REEP1: variants seen among roughly 807,000 people sequenced by gnomAD.
REEP1 encodes receptor expression-enhancing protein 1.
A neutral mutation model predicts 40.3 loss-of-function variants in REEP1; 22 were observed. That is an observed-to-expected ratio of 0.55 (90% CI 0.39 to 0.78). The LOEUF (loss-of-function observed/expected upper bound fraction) is 0.78, where lower values mean the gene tolerates loss of function less well. Ranked by LOEUF, REEP1 falls within the 30% of genes least tolerant of loss-of-function variation. The probability of loss-of-function intolerance (pLI) is 0.00; values close to 1 mark genes in which losing one functional copy is unlikely to be tolerated. For synonymous variants in REEP1, 116 were observed against 139.2 expected (o/e 0.83, Z 1.17); for missense variants, 280 against 361.1 (o/e 0.78, Z 1.82).
intron 1 of REEP1, among the ~76,000 whole-genome samples, chr2:86,320,787 T>A (rs927623943): frequency 1.5e-4 from 23 of 152,224 alleles, no homozygotes; most frequent in African/African-American, 5.5e-4. Flanking sequence ...TTATTCATAA[T>A]GCAGCAGTGA....
At chr2:86,318,139 A>C (rs530276883) in intron 1 of REEP1, among the ~76,000 whole-genome samples, 37 of 152,300 alleles carry the variant, frequency 2.4e-4, no homozygotes, top group African/African-American at 8.9e-4. Flanking sequence ...TTTGGATATT[A>C]TACAATAAAA....
At chr2:86,254,990 G>A in intron 3 of REEP1, 176 bp from the exon 4 acceptor site, 1 of 625,972 alleles carries the variant, frequency 1.6e-6, no homozygotes. Flanking sequence ...CACACACACA[G>A]TACAACCCCA....
chr2:86,221,285 A>G (rs749579), intron 7 of REEP1, among the ~76,000 whole-genome samples: 119,617 of 152,242 alleles, frequency 0.79, 48,615 homozygotes, highest in South Asian at 0.89. Context: ...GCCAGCAGGA[A>G]GCAGCACAAC....
intron 1 of REEP1, among the ~76,000 whole-genome samples, chr2:86,324,672 A>G (rs1307556479): frequency 6.6e-6 from 1 of 152,180 alleles, no homozygotes; most frequent in African/African-American, 2.4e-5. Flanking sequence ...AAAGTGATCA[A>G]TGACACAGGA....
intron 1 of REEP1, among the ~76,000 whole-genome samples, chr2:86,333,680 C>T (rs531912428): frequency 4.3e-4 from 65 of 152,254 alleles, no homozygotes; most frequent in African/African-American, 1.4e-3. Context: ...CACAGAGCAA[C>T]GTTGGTATCC....
At position 86,216,848 on chromosome 2, in the gene REEP1, T is replaced by A; in HGVS notation, c.*191A>T. 1.3e-5 allele frequency: 7 copies of A among 533,058 alleles called. No individual in the cohort carries two copies. Among genetic ancestry groups the A allele is most frequent in the Middle Eastern group, 5.1e-4 (1 of 1,946 alleles). 33.0% of individuals were successfully genotyped at this position (533,058 alleles called of 1,614,324 possible). A position where few individuals can be genotyped will look rare whatever the true frequency, so the allele number is the denominator to read the frequency against. ...CCCTACTACCTTTCCCTTTAGCCTC[T>A]CCCCAGCAAAATAAAGAAAAGGGGG... On this transcript the variant is annotated 3_prime_UTR_variant, in exon 9 of 9. Transcript: ENST00000538924.
intron 1 of REEP1, 28 bp from the exon 2 acceptor site, chr2:86,282,270 A>G: frequency 6.8e-7 from 1 of 1,472,844 alleles, no homozygotes; most frequent in Non-Finnish European, 9.5e-7. Context: ...AAAAATAAAT[A>G]CGATTTTTCA....
chr2:86,273,403 C>A (rs1046646603), intron 2 of REEP1, among the ~76,000 whole-genome samples: 1 of 151,792 alleles, frequency 6.6e-6, no homozygotes, highest in Non-Finnish European at 1.5e-5. Flanking sequence ...TCCCACTCAG[C>A]GTCTTGAGTA....
At chr2:86,255,114 C>T (rs560669396) in intron 3 of REEP1, 8 of 331,218 alleles carry the variant, frequency 2.4e-5, no homozygotes, top group African/African-American at 1.7e-4. Context: ...GCTGGAGCTT[C>T]CTGCTGGGCT....
At position 86,214,665 on chromosome 2, in the gene REEP1, A is replaced by G. The variant is rs1321580778; in HGVS notation, c.*2374T>C. 6.5e-6 allele frequency: 1 copy of G among 152,680 alleles called. No homozygotes were observed. Among genetic ancestry groups the G allele is most frequent in the Non-Finnish European group, 1.5e-5 (1 of 68,052 alleles). The allele number at this position is 152,680 out of a possible 1,614,324, so 9.5% of individuals were successfully genotyped here. A position where few individuals can be genotyped will look rare whatever the true frequency, so the allele number is the denominator to read the frequency against. On this transcript the variant is annotated 3_prime_UTR_variant, in exon 9 of 9. Coordinates refer to ENST00000538924, the MANE Select transcript of REEP1 (RefSeq NM_001371279.1). ...TGTACAACTTGTCAGATACGTAAAC[A>G]CATTTTGCCAGAAATATGACAGCTG... is the stretch of plus-strand genomic sequence containing the variant.
chr2:86,229,746 G>A (rs748931505), intron 6 of REEP1, among the ~76,000 whole-genome samples: 3 of 151,742 alleles, frequency 2.0e-5, no homozygotes, highest in Admixed American at 6.6e-5. Context: ...ATGAGTAGCT[G>A]GGATTACAGG....
rs542777273 is a variant in REEP1, at chr2:86,295,830, C to T, written c.33-13588G>A. On this transcript the variant is annotated intron_variant, in intron 1 of 8. Coordinates refer to ENST00000538924, the MANE Select transcript of REEP1 (RefSeq NM_001371279.1). ...CTAGGATTACAGGCGTGAGCCACCGCGCCCAGCCCACAGCTGCTTTGTTTA... is the reference window on the plus strand; with the variant it reads ...CTAGGATTACAGGCGTGAGCCACCGTGCCCAGCCCACAGCTGCTTTGTTTA... 3.9e-4 allele frequency among the ~76,000 whole-genome samples: 59 copies of T among 152,236 alleles called. 1 individual carries two copies. The highest frequency in any genetic ancestry group is 1.5e-3 in the Admixed American group (23 of 15,254).
At chr2:86,233,954 A>G (rs1277492281) in intron 5 of REEP1, among the ~76,000 whole-genome samples, 1 of 152,154 alleles carries the variant, frequency 6.6e-6, no homozygotes, top group Non-Finnish European at 1.5e-5. Flanking sequence ...AATCAGCACA[A>G]AATCAATTCA....
intron 2 of REEP1, chr2:86,280,046 C>A (rs2104386379): frequency 2.2e-6 from 1 of 456,268 alleles, no homozygotes; most frequent in East Asian, 6.9e-5. Context: ...ATTCAGGCGA[C>A]AGGGATGAAG....
At chr2:86,310,908 T>G (rs1418247100) in intron 1 of REEP1, among the ~76,000 whole-genome samples, 1 of 152,078 alleles carries the variant, frequency 6.6e-6, no homozygotes, top group Non-Finnish European at 1.5e-5. Context: ...AAAACACACA[T>G]GATACCTCTG....
chr2:86,220,850 A>G lies in REEP1; in HGVS notation c.632-729T>C, dbSNP rs145038474. On this transcript the variant is annotated intron_variant, in intron 7 of 8. Coordinates refer to ENST00000538924, the MANE Select transcript of REEP1 (RefSeq NM_001371279.1). ...ATACATCTGCGGGAAAAGCTTCAGAATTAATTCATCTCATTGAACGCACAG... is the reference window on the plus strand; with the variant it reads ...ATACATCTGCGGGAAAAGCTTCAGAGTTAATTCATCTCATTGAACGCACAG... Among the ~76,000 whole-genome samples, 202 of 152,332 alleles carry G rather than the reference A, an allele frequency of 1.3e-3. 1 individual carries two copies. The East Asian group carries it at 0.032, about 24-fold the overall frequency.
At chr2:86,311,380 A>G (rs1679758467) in intron 1 of REEP1, among the ~76,000 whole-genome samples, 1 of 152,210 alleles carries the variant, frequency 6.6e-6, no homozygotes, top group Non-Finnish European at 1.5e-5. Context: ...ACAAAGTACC[A>G]TAAATTTCCT....
chr2:86,303,218 T>G (rs1249610358), intron 1 of REEP1, among the ~76,000 whole-genome samples: 2 of 127,162 alleles, frequency 1.6e-5, no homozygotes, highest in Non-Finnish European at 3.3e-5. Flanking sequence ...AATTGTTTTT[T>G]TTTTTTTTTT....
At chr2:86,315,049 G>A (rs1679930495) in intron 1 of REEP1, among the ~76,000 whole-genome samples, 2 of 151,984 alleles carry the variant, frequency 1.3e-5, no homozygotes, top group African/African-American at 4.8e-5. Flanking sequence ...GTCCTCATGA[G>A]CTCTTCACCA....
Sources: gnomAD v4.1 joint callset for allele counts (sites outside exome capture counted in the v4.1 genomes callset) on GRCh38, gnomAD v4.1.1 for gene constraint, MANE v1.5 for transcripts, NCBI Gene and HGNC (gene_info 2026-07-23, HGNC 2026-07-21) for gene names.